Variants in FHL1 observed in about 807,000 individuals in gnomAD.
The protein encoded by FHL1 is four and a half LIM domains 1, also known as four and a half LIM domains protein 1.
A neutral mutation model predicts 20.3 loss-of-function variants in FHL1; 1 was observed. The ratio of observed to expected loss-of-function variants is 0.05; its 90% CI spans 0.02 to 0.23. FHL1 has a LOEUF of 0.23. Ranked by LOEUF, FHL1 falls within the 10% of genes least tolerant of loss-of-function variation. The pLI is 1.00. For synonymous variants in FHL1, 82 were observed against 88.9 expected, an observed-to-expected ratio of 0.92 and a Z score of 0.44; for missense variants, 177 against 234.0, an observed-to-expected ratio of 0.76 and a Z score of 1.59.
intron 1 of FHL1, among the ~76,000 whole-genome samples, chrX:136,205,837 C>T (rs771548482): frequency 3.9e-4 from 44 of 111,503 alleles, no homozygotes; most frequent in African/African-American, 1.3e-3. Context: ...GAGCTGAAAG[C>T]GGGCAGAGAG....
At chrX:136,189,636 G>A (rs1234668971) in intron 2 of FHL1, among the ~76,000 whole-genome samples, 2 of 111,886 alleles carry the variant, frequency 1.8e-5, no homozygotes, top group South Asian at 3.7e-4. Context: ...ATTTACTGCT[G>A]TATTTCTCAC....
At chrX:136,194,309 G>C (rs776199511), upstream of FHL1, among the ~76,000 whole-genome samples, 1 of 112,269 alleles carries the variant, frequency 8.9e-6, no homozygotes, top group Admixed American at 9.5e-5. Context: ...ACATAGTAGG[G>C]CATCTGTCCA....
At chrX:136,178,567 A>C (rs761545970) in intron 2 of FHL1, among the ~76,000 whole-genome samples, 6 of 105,622 alleles carry the variant, frequency 5.7e-5, no homozygotes, top group Non-Finnish European at 1.2e-4. Flanking sequence ...CTACACTCCA[A>C]CCTGGGTGAT....
In FHL1 at chrX:136,210,403, C is replaced by T; in HGVS notation, c.*378C>T. 2.5e-6 allele frequency: 1 copy of T among 396,404 alleles called. No individual in the cohort carries two copies. Among genetic ancestry groups the T allele is most frequent in the Non-Finnish European group, 4.7e-6 (1 of 211,852 alleles). 32.7% of individuals were successfully genotyped at this position (396,404 alleles called of 1,213,427 possible). On this transcript the variant is annotated 3_prime_UTR_variant, in exon 6 of 6. Coordinates refer to ENST00000370683, the MANE Select transcript of FHL1 (RefSeq NM_001159699.2). ...ATGCCTCTCATGCCTCAGCTGGGAC[C>T]CACCGTGTAGACACACGACATGCAA...
intron 1 of FHL1, among the ~76,000 whole-genome samples, chrX:136,151,262 C>A (rs1244885870): frequency 1.0e-5 from 1 of 98,295 alleles, no homozygotes; most frequent in Non-Finnish European, 2.1e-5. Flanking sequence ...TGCCTGGCGG[C>A]AAACAAAATT....
intron 1 of FHL1, among the ~76,000 whole-genome samples, chrX:136,149,161 G>C: frequency 8.9e-6 from 1 of 112,054 alleles, no homozygotes; most frequent in Non-Finnish European, 1.9e-5. Context: ...TTGCAAATGT[G>C]AACATTTGCA....
chrX:136,204,312 G>T (rs758293155), intron 1 of FHL1, among the ~76,000 whole-genome samples: 3 of 112,529 alleles, frequency 2.7e-5, no homozygotes, highest in Non-Finnish European at 5.6e-5. Context: ...CGAGGCTTCT[G>T]TGTGACACTG....
chrX:136,147,919 G>A (rs1381597359), intron 1 of FHL1: 1 of 102,442 alleles, frequency 9.8e-6, no homozygotes, highest in Non-Finnish European at 2.0e-5. Context: ...GCTCGATGGG[G>A]ACTAAGAGGC....
At chrX:136,149,223 C>G (rs2072198436) in intron 1 of FHL1, among the ~76,000 whole-genome samples, 1 of 112,131 alleles carries the variant, frequency 8.9e-6, no homozygotes, top group South Asian at 3.7e-4. Flanking sequence ...TAAAGCCTTT[C>G]CTGCCTCAGC....
chrX:136,154,298 G>A (rs1464323024), intron 1 of FHL1, among the ~76,000 whole-genome samples: 9 of 112,572 alleles, frequency 8.0e-5, no homozygotes, highest in African/African-American at 2.9e-4. Flanking sequence ...TTCAGAATAT[G>A]TTCCGAACAG....
rs2073992945 is a variant in FHL1, at chrX:136,210,767, C to A, written c.*742C>A. 1.0e-5 allele frequency: 4 copies of A among 387,721 alleles called. No individual in the cohort carries two copies. In the East Asian group the frequency reaches 2.2e-4, roughly 21 times the overall value. 32.0% of individuals were successfully genotyped at this position (387,721 alleles called of 1,213,427 possible). ...AGGAACATCGTCACAACGAATACTT[C>A]TGGAAGCTTAACAAAACTAACCCTG... is the stretch of plus-strand genomic sequence containing the variant. On this transcript the variant is annotated 3_prime_UTR_variant, in exon 6 of 6. Transcript: ENST00000370683.
Position 136,183,510 on chromosome X carries a change from C to T in FHL1, c.-27+13530C>T, listed in dbSNP as rs975204199. ...TGAATAGTTAAGTTTAAAACTATATCTAGTTTCCGTTATAGCTCAAGTTTA... is the reference window on the plus strand; with the variant it reads ...TGAATAGTTAAGTTTAAAACTATATTTAGTTTCCGTTATAGCTCAAGTTTA... On this transcript the variant is annotated intron_variant, in intron 2 of 6. Coordinates refer to the FHL1 transcript ENST00000394153. Among the ~76,000 whole-genome samples, 8 of 111,789 alleles carry T rather than the reference C, an allele frequency of 7.2e-5. No homozygotes were observed. The South Asian group carries it at 2.9e-3, about 41-fold the overall frequency.
At chrX:136,157,626 C>G (rs938767985) in intron 1 of FHL1, among the ~76,000 whole-genome samples, 1 of 111,021 alleles carries the variant, frequency 9.0e-6, no homozygotes, top group African/African-American at 3.3e-5. Context: ...CAGTAACATT[C>G]TTCCCCCAGC....
chrX:136,209,857 T>TC lies in FHL1; in HGVS notation c.737-14_737-13insC, dbSNP rs750748012. The TC allele has an allele frequency of 1.0e-5, 12 of 1,204,646 alleles. No homozygotes were observed. The highest frequency in any genetic ancestry group is 1.8e-5 in the South Asian group (1 of 56,444). ...TCTCTTGTTTTCTTTTCTTTTCTTT[T>TC]TTTTTCCCCCCAGGGTTTGGTAAAG... On this transcript the variant is annotated splice_polypyrimidine_tract_variant and intron_variant, in intron 5 of 5. Coordinates refer to ENST00000370683, the MANE Select transcript of FHL1 (RefSeq NM_001159699.2).
chrX:136,172,275 TATTC>T (rs2072891795), intron 2 of FHL1, among the ~76,000 whole-genome samples: 1 of 112,556 alleles, frequency 8.9e-6, no homozygotes, highest in South Asian at 3.7e-4. Flanking sequence ...TCCTTTCTTT[TATTC>T]ATTCATTCAG....
intron 2 of FHL1, among the ~76,000 whole-genome samples, chrX:136,187,659 A>G (rs1415658103): frequency 1.8e-5 from 2 of 110,856 alleles, no homozygotes; most frequent in Admixed American, 1.9e-4. Flanking sequence ...GAAGTGGCAC[A>G]TCCATAAAGA....
At chrX:136,151,514 C>T (rs1179576769) in intron 1 of FHL1, among the ~76,000 whole-genome samples, 1 of 111,793 alleles carries the variant, frequency 8.9e-6, no homozygotes, top group African/African-American at 3.3e-5. Context: ...GAGTTCGAGA[C>T]CAGTCTGGCC....
intron 1 of FHL1, among the ~76,000 whole-genome samples, chrX:136,151,887 G>T (rs2148260376): frequency 8.9e-6 from 1 of 111,923 alleles, no homozygotes; most frequent in East Asian, 2.8e-4. Context: ...AGAAGATCTT[G>T]CCTGGAGCCT....
chrX:136,190,502 C>T lies in FHL1; in HGVS notation c.-26-15905C>T, dbSNP rs958175842. ...AGCAAAGAACGATTCGCGAATCAGG[C>T]GGCCTCTCGAACCAGAGTAGGCTAA... is the stretch of plus-strand genomic sequence containing the variant. On this transcript the variant is annotated intron_variant, in intron 2 of 6. Coordinates refer to the FHL1 transcript ENST00000394153. Among the ~76,000 whole-genome samples, 18 of 111,636 alleles carry T rather than the reference C, an allele frequency of 1.6e-4. 1 individual carries two copies. The highest frequency in any genetic ancestry group is 5.2e-4 in the African/African-American group (16 of 30,664).
Sources: gnomAD v4.1 joint callset for allele counts (sites outside exome capture counted in the v4.1 genomes callset) on GRCh38, gnomAD v4.1.1 for gene constraint, MANE v1.5 for transcripts, NCBI Gene and HGNC (gene_info 2026-07-23, HGNC 2026-07-21) for gene names.